SYN1: variants seen among roughly 807,000 people sequenced by gnomAD.
SYN1 encodes synapsin I.
A neutral mutation model predicts 44.6 loss-of-function variants in SYN1; 8 were observed. The observed-to-expected ratio is 0.18, with a 90% CI of 0.11 to 0.32. SYN1 has a LOEUF of 0.32. Among genes scored for constraint, SYN1 ranks in the 10% least tolerant of loss-of-function variants. The pLI is 1.00. For missense variants in SYN1, 451 were observed against 639.4 expected (o/e 0.71, Z 3.18); for synonymous variants, 275 against 280.1 (o/e 0.98, Z 0.18).
Position 47,572,934 on chromosome X carries a change from CT to C in SYN1, c.2047del (p.Ser683AlafsTer5). On this transcript the variant is annotated frameshift_variant, in exon 13 of 13. Coordinates refer to ENST00000295987, the MANE Select transcript of SYN1 (RefSeq NM_006950.3). LOFTEE classifies it high-confidence loss of function. The stretch of plus-strand genomic sequence containing the variant: ...GGTCTCAGCTTTCACCTCGTCCTGG[CT>C]AAGGCTGGGCCTGGGCGGGGCTGGC... ...PEPAPPRPSL[S>X]QDEVKAETIR... 1 of 1,211,724 alleles carries C rather than the reference CT, an allele frequency of 8.3e-7. No individual in the cohort carries two copies. Among genetic ancestry groups the C allele is most frequent in the Non-Finnish European group, 1.1e-6 (1 of 895,503 alleles).
chrX:47,586,868 A>G (rs2147920023), intron 5 of SYN1: 1 of 537,916 alleles, frequency 1.9e-6, no homozygotes, highest in Non-Finnish European at 2.9e-6. Flanking sequence ...ACCAGTGGGG[A>G]TGAGGGATGC....
chrX:47,604,724 A>G (rs1340117683), intron 5 of SYN1: 1 of 391,147 alleles, frequency 2.6e-6, no homozygotes, highest in Non-Finnish European at 4.5e-6. Context: ...CATTAGAAAT[A>G]GGTTTTTAAT....
chrX:47,605,251 A>G lies in SYN1; in HGVS notation c.656T>C (p.Val219Ala). Residue 219 changes from valine to alanine, a missense_variant, in exon 4 of 13, where the codon GTC becomes GCC. Physicochemically the swap from Val to Ala is moderately conservative, Grantham distance 64 (BLOSUM62 0). Coordinates refer to ENST00000295987, the MANE Select transcript of SYN1 (RefSeq NM_006950.3). Reference protein sequence around the residue: ...GIPSVNSLHSVYNFCDKPWVF... With the variant: ...GIPSVNSLHSAYNFCDKPWVF... ...CCAGGGCTTGTCACAGAAGTTGTAG[A>G]CAGAATGCAAGGAGTTAACACTGGG... 1 of 1,208,073 alleles carries G rather than the reference A, an allele frequency of 8.3e-7. No individual in the cohort carries two copies. The highest frequency in any genetic ancestry group is 1.1e-6 in the Non-Finnish European group (1 of 893,871).
intron 5 of SYN1, among the ~76,000 whole-genome samples, chrX:47,580,371 A>C (rs1241696882): frequency 1.9e-5 from 2 of 107,283 alleles, no homozygotes; most frequent in African/African-American, 6.7e-5. Context: ...TAGCTCACGC[A>C]TGTAATCGCA....
chrX:47,588,759 T>A (rs1397990399), intron 5 of SYN1, among the ~76,000 whole-genome samples: 2 of 111,878 alleles, frequency 1.8e-5, no homozygotes. Flanking sequence ...TGGGTGAATC[T>A]CTGGGAGAGA....
intron 3 of SYN1, 107 bp downstream of exon 3, chrX:47,606,838 G>A (rs1390015854): frequency 1.2e-6 from 1 of 810,650 alleles, no homozygotes; most frequent in South Asian, 2.2e-5. Context: ...CCATGCCTAA[G>A]TTCTTGCCCA....
rs2854415 is a variant in SYN1, at chrX:47,572,411, G to T, written c.*453C>A. Reference sequence around the variant, plus strand: ...CATGGGAAGGGGCTCAACAGTAGGGGTTTCTTGAGGATTTGGAAAATTATG... The same window carrying T: ...CATGGGAAGGGGCTCAACAGTAGGGTTTTCTTGAGGATTTGGAAAATTATG... On this transcript the variant is annotated 3_prime_UTR_variant, in exon 13 of 13. Coordinates refer to ENST00000295987, the MANE Select transcript of SYN1 (RefSeq NM_006950.3). 2 of 135,003 alleles carry T rather than the reference G, an allele frequency of 1.5e-5. No individual in the cohort carries two copies. Among genetic ancestry groups the T allele is most frequent in the Admixed American group, 1.6e-4 (2 of 12,885 alleles). The allele number at this position is 135,003 out of a possible 1,213,427, so 11.1% of individuals were successfully genotyped here.
At position 47,575,273 on chromosome X, in the gene SYN1, A is replaced by G; in HGVS notation, c.1160T>C (p.Val387Ala). Residue 387 changes from valine (V) to alanine (A), a missense_variant and splice_region_variant, in exon 10 of 13, where the codon GTG (valine) becomes GCG (alanine). Transcript: ENST00000295987. ...GKDGRDHIIE[V>A]VGSSMPLIGD... The stretch of plus-strand genomic sequence containing the variant: ...AATGAGCGGCATGGAGGAACCCACC[A>G]CCTGGGGGAAGGAAAGGATCCGTGA... 8.3e-7 allele frequency: 1 copy of G among 1,209,457 alleles called. No homozygotes were observed. The highest frequency in any genetic ancestry group is 1.1e-6 in the Non-Finnish European group (1 of 894,220).
At chrX:47,584,851 C>T (rs2057815934) in intron 5 of SYN1, 2 of 839,201 alleles carry the variant, frequency 2.4e-6, no homozygotes, top group African/African-American at 2.0e-5. Context: ...ATGCGCTTTG[C>T]TGGTATGATG....
chrX:47,578,829 C>T (rs1047810731), intron 5 of SYN1, among the ~76,000 whole-genome samples: 2 of 111,382 alleles, frequency 1.8e-5, no homozygotes, highest in Non-Finnish European at 3.8e-5. Context: ...GCACAGGAAG[C>T]CCGCAGACTC....
chrX:47,606,923 A>C, intron 3 of SYN1, 22 bp downstream of exon 3: 12 of 1,196,626 alleles, frequency 1.0e-5, no homozygotes, highest in Non-Finnish European at 1.4e-5. Flanking sequence ...TCATAACACC[A>C]AGGTACCCTT....
Position 47,576,224 on chromosome X carries a change from C to T in SYN1, c.1065G>A (p.Leu355=), listed in dbSNP as rs1410566216. 9 of 1,200,667 alleles carry T rather than the reference C, an allele frequency of 7.5e-6. No homozygotes were observed. The African/African-American group carries it at 1.6e-4, about 21-fold the overall frequency. Residue 355 remains leucine, a synonymous_variant, in exon 9 of 13, where the codon CTG becomes CTA. Transcript: ENST00000295987. ...EQIAMSDRYK[L]WVDTCSEIFG... ...AAATCTCTGAGCACGTGTCCACCCA[C>T]AGCTTGTATCTGCCAAGACAAAGGG...
chrX:47,584,842 T>C (rs1368737390), intron 5 of SYN1: 40 of 751,066 alleles, frequency 5.3e-5, no homozygotes, highest in Non-Finnish European at 7.4e-5. Flanking sequence ...TATTTATGTA[T>C]GCGCTTTGCT....
intron 6 of SYN1, among the ~76,000 whole-genome samples, 156 bp from the exon 7 acceptor site, chrX:47,576,796 G>A (rs774287819): frequency 9.0e-6 from 1 of 111,448 alleles, no homozygotes; most frequent in Non-Finnish European, 1.9e-5. Flanking sequence ...CACGATCATG[G>A]GTCTCCTGTT....
intron 5 of SYN1, chrX:47,583,499 A>G (rs1287670583): frequency 8.3e-7 from 1 of 1,198,707 alleles, no homozygotes; most frequent in African/African-American, 1.8e-5. Flanking sequence ...CCTGTGTCCC[A>G]CCCCACCCAC....
rs543452610 is a variant in SYN1, at chrX:47,579,455, C to T, written c.775-1954G>A. Among the ~76,000 whole-genome samples, 4 of 111,098 alleles carry T rather than the reference C, an allele frequency of 3.6e-5. No individual in the cohort carries two copies. The East Asian group carries it at 8.5e-4, about 24-fold the overall frequency. ...CATCTGCACAAAGAGCACAATGAGGCCCAAGCACCTGGTATGCTGTGGGCA... is the reference window on the plus strand; with the variant it reads ...CATCTGCACAAAGAGCACAATGAGGTCCAAGCACCTGGTATGCTGTGGGCA... On this transcript the variant is annotated intron_variant, in intron 5 of 12. Transcript: ENST00000295987.
At chrX:47,607,740 A>AC (rs2057902731) in intron 1 of SYN1, among the ~76,000 whole-genome samples, 1 of 107,826 alleles carries the variant, frequency 9.3e-6, no homozygotes, top group African/African-American at 3.4e-5. Flanking sequence ...AAAAAAAAAA[A>AC]AAAAACAAAA....
intron 5 of SYN1, among the ~76,000 whole-genome samples, chrX:47,595,881 G>A (rs2057862371): frequency 8.9e-6 from 1 of 112,144 alleles, no homozygotes; most frequent in Admixed American, 9.5e-5. Context: ...GAGAACACTG[G>A]CAAAAATTGT....
chrX:47,588,303 A>G lies in SYN1; in HGVS notation c.775-10802T>C, dbSNP rs754837505. 5.3e-5 allele frequency among the ~76,000 whole-genome samples: 6 copies of G among 112,837 alleles called. No homozygotes were observed. In the South Asian group the frequency reaches 2.2e-3, roughly 41 times the overall value. On this transcript the variant is annotated intron_variant, in intron 5 of 12. Coordinates refer to ENST00000295987, the MANE Select transcript of SYN1 (RefSeq NM_006950.3). ...TGGTTCATCCCTGGTGACCTTGTCA[A>G]TGTTCCCTCAGCTGCCTGCAAGAGG...
Sources: gnomAD v4.1 joint callset for allele counts (sites outside exome capture counted in the v4.1 genomes callset) on GRCh38, gnomAD v4.1.1 for gene constraint, MANE v1.5 for transcripts, NCBI Gene and HGNC (gene_info 2026-07-23, HGNC 2026-07-21) for gene names.